EFCAB14: variants seen among roughly 807,000 people sequenced by gnomAD.
The protein encoded by EFCAB14 is EF-hand calcium binding domain 14.
A neutral mutation model predicts 56.5 loss-of-function variants in EFCAB14; 43 were observed. The ratio of observed to expected loss-of-function variants is 0.76; its 90% confidence interval spans 0.60 to 0.98. The LOEUF (loss-of-function observed/expected upper bound fraction) is 0.98. Ranked by LOEUF, EFCAB14 falls within the 50% of genes least tolerant of loss-of-function variation. The probability of loss-of-function intolerance (pLI) is 0.00; values close to 1 mark genes in which losing one functional copy is unlikely to be tolerated. For missense variants in EFCAB14, 538 were observed against 580.3 expected (o/e 0.93, Z 0.75); for synonymous variants, 235 against 212.9 (o/e 1.10, Z -0.90).
chr1:46,709,076 C>T (rs752640077), intron 2 of EFCAB14, among the ~76,000 whole-genome samples: 27 of 152,240 alleles, frequency 1.8e-4, no homozygotes, highest in Admixed American at 4.6e-4. Context: ...TTCATTTCTA[C>T]ATGGTCAGCT....
intron 6 of EFCAB14, 38 bp from the exon 7 acceptor site, chr1:46,688,582 A>G: frequency 6.3e-7 from 1 of 1,583,830 alleles, no homozygotes; most frequent in Non-Finnish European, 8.6e-7. Context: ...AATCCACTAA[A>G]GACGTAAATT....
intron 7 of EFCAB14, among the ~76,000 whole-genome samples, chr1:46,688,137 G>A (rs999248118): frequency 6.6e-6 from 1 of 152,098 alleles, no homozygotes; most frequent in African/African-American, 2.4e-5. Flanking sequence ...CGACCTCTCC[G>A]CATCTCCCTC....
At chr1:46,704,836 T>C (rs1211960231) in intron 3 of EFCAB14, among the ~76,000 whole-genome samples, 2 of 151,596 alleles carry the variant, frequency 1.3e-5, no homozygotes, top group African/African-American at 4.8e-5. Flanking sequence ...AGATTTCAAC[T>C]ACTAATTTAA....
chr1:46,682,866 A>T (rs7524260), intron 10 of EFCAB14, among the ~76,000 whole-genome samples: 6,291 of 152,288 alleles, frequency 0.041, 393 homozygotes, highest in African/African-American at 0.14. Flanking sequence ...TTTACTAAAA[A>T]TACAAAAAAT....
chr1:46,687,464 G>C (rs1052256283), intron 7 of EFCAB14, among the ~76,000 whole-genome samples: 3 of 152,176 alleles, frequency 2.0e-5, no homozygotes, highest in South Asian at 4.1e-4. Context: ...GCCAAGTCCA[G>C]GCAACTTGCC....
At chr1:46,696,108 T>C (rs553013755) in intron 4 of EFCAB14, among the ~76,000 whole-genome samples, 1 of 133,662 alleles carries the variant, frequency 7.5e-6, no homozygotes, top group Admixed American at 7.8e-5. Context: ...CCAGGTCATC[T>C]TTTTTTTTTT....
At position 46,675,421 on chromosome 1, in the gene EFCAB14, G is replaced by A. The variant is rs1367324013; in HGVS notation, c.*3040C>T. The A allele has an allele frequency of 1.3e-5, 2 of 152,626 alleles. No homozygotes were observed. Among genetic ancestry groups the A allele is most frequent in the East Asian group, 3.9e-4 (2 of 5,190 alleles). The allele number at this position is 152,626 out of a possible 1,614,324, so 9.5% of individuals were successfully genotyped here. On this transcript the variant is annotated 3_prime_UTR_variant, in exon 11 of 11. Coordinates refer to ENST00000371933, the MANE Select transcript of EFCAB14 (RefSeq NM_014774.3). ...TCTCAGGAATACCCAAATGTGTTCT[G>A]GTTTGGATATGAAAGAGGGACCACT...
chr1:46,692,915 C>G (rs536885207), intron 4 of EFCAB14, among the ~76,000 whole-genome samples: 49 of 152,024 alleles, frequency 3.2e-4, no homozygotes, highest in Non-Finnish European at 6.5e-4. Flanking sequence ...AATCTGGAAC[C>G]CAGGGATAAG....
chr1:46,702,391 A>G (rs1312592278), intron 3 of EFCAB14, among the ~76,000 whole-genome samples: 2 of 152,204 alleles, frequency 1.3e-5, no homozygotes, highest in African/African-American at 4.8e-5. Context: ...CTGAGCACCT[A>G]CTGAATCCTA....
intron 10 of EFCAB14, among the ~76,000 whole-genome samples, chr1:46,679,582 C>T (rs149667275): frequency 0.014 from 1,702 of 119,656 alleles, 32 homozygotes; most frequent in African/African-American, 0.051. Context: ...GGATTATAGG[C>T]GTGAACCACC....
intron 1 of EFCAB14, among the ~76,000 whole-genome samples, chr1:46,716,664 G>T (rs1677400511): frequency 6.6e-6 from 1 of 152,176 alleles, no homozygotes. Context: ...AAAACAGAAG[G>T]AGTTCCTGCA....
chr1:46,716,551 C>T (rs1319343189), intron 1 of EFCAB14, 108 bp from the exon 2 acceptor site: 2 of 1,279,246 alleles, frequency 1.6e-6, no homozygotes, highest in Non-Finnish European at 2.2e-6. Flanking sequence ...AAATGAATAA[C>T]CAGTGAATTA....
At position 46,679,815 on chromosome 1, in the gene EFCAB14, C is replaced by T. The variant is rs146982589; in HGVS notation, c.1313-1179G>A. On this transcript the variant is annotated intron_variant, in intron 10 of 10. Transcript: ENST00000371933. The stretch of plus-strand genomic sequence containing the variant: ...TAGTAGAGATGCGGTTTCATCATGT[C>T]GGCCAGGTCTCTAACTCCTAGCCTC... Among the ~76,000 whole-genome samples, 39 of 151,616 alleles carry T rather than the reference C, an allele frequency of 2.6e-4. No individual in the cohort carries two copies. The East Asian group carries it at 5.2e-3, about 20-fold the overall frequency.
In EFCAB14 at chr1:46,676,879, A is replaced by C. The variant is rs1676704028; in HGVS notation, c.*1582T>G. ...GCTGAACATCATGTAAAGAAAAAAAAAACAGCCCTTAAATGTTTAAGGGTA... is the reference window on the plus strand; with the variant it reads ...GCTGAACATCATGTAAAGAAAAAAACAACAGCCCTTAAATGTTTAAGGGTA... On this transcript the variant is annotated 3_prime_UTR_variant, in exon 11 of 11. Coordinates refer to ENST00000371933, the MANE Select transcript of EFCAB14 (RefSeq NM_014774.3). 2 of 152,612 alleles carry C rather than the reference A, an allele frequency of 1.3e-5. No homozygotes were observed. The highest frequency in any genetic ancestry group is 2.9e-5 in the Non-Finnish European group (2 of 67,998). 9.5% of individuals were successfully genotyped at this position (152,612 alleles called of 1,614,324 possible).
chr1:46,678,497 G>A lies in EFCAB14; in HGVS notation c.1452C>T (p.Tyr484=). The A allele has an allele frequency of 1.2e-6, 2 of 1,614,134 alleles. No individual in the cohort carries two copies. Among genetic ancestry groups the A allele is most frequent in the East Asian group, 2.2e-5 (1 of 44,878 alleles). The stretch of plus-strand genomic sequence containing the variant: ...AAGCTACCCTTAGCTCCAGGAATGA[G>A]TATCTTCCATCTCCATCGGAATCAA... ...RAFDSDGDGR[Y]SFLELRVALG... is the part of the protein sequence containing the mutation. Residue 484 remains tyrosine (Y), a synonymous_variant, in exon 11 of 11, where the codon TAC becomes TAT. Coordinates refer to ENST00000371933, the MANE Select transcript of EFCAB14 (RefSeq NM_014774.3).
At chr1:46,710,711 G>A (rs1008141379) in intron 2 of EFCAB14, among the ~76,000 whole-genome samples, 8 of 151,764 alleles carry the variant, frequency 5.3e-5, no homozygotes, top group Admixed American at 3.3e-4. Flanking sequence ...GTGCCACCAC[G>A]CCCAGCTATT....
chr1:46,705,406 A>T (rs1234138555), intron 3 of EFCAB14, among the ~76,000 whole-genome samples: 1 of 152,218 alleles, frequency 6.6e-6, no homozygotes, highest in Non-Finnish European at 1.5e-5. Context: ...CAGGTTCTTG[A>T]ATAATATTTT....
At chr1:46,710,074 G>A (rs1677286887) in intron 2 of EFCAB14, among the ~76,000 whole-genome samples, 1 of 152,108 alleles carries the variant, frequency 6.6e-6, no homozygotes, top group African/African-American at 2.4e-5. Flanking sequence ...AGTGATGGTG[G>A]TATCCTTATT....
intron 8 of EFCAB14, among the ~76,000 whole-genome samples, chr1:46,685,642 A>G (rs1676869541): frequency 6.6e-6 from 1 of 152,232 alleles, no homozygotes; most frequent in Non-Finnish European, 1.5e-5. Flanking sequence ...AGTTAAAAAC[A>G]AAAAAGGCCT....
Sources: allele counts gnomAD v4.1 joint callset (sites outside exome capture counted in the v4.1 genomes callset), GRCh38; gene constraint gnomAD v4.1.1; transcripts MANE v1.5; gene names NCBI Gene and HGNC (gene_info 2026-07-23, HGNC 2026-07-21).